WIPI1: variants seen among roughly 807,000 people sequenced by gnomAD.
The protein encoded by WIPI1 is WD repeat domain, phosphoinositide interacting 1.
Under a neutral mutation model 55.3 loss-of-function variants are expected in WIPI1, and 45 were observed. The ratio of observed to expected loss-of-function variants is 0.81; its 90% CI spans 0.64 to 1.04. The LOEUF is 1.04. Ranked by LOEUF, WIPI1 falls within the 50% of genes least tolerant of loss-of-function variation. The pLI, the probability that WIPI1 is intolerant of heterozygous loss-of-function variation, is 0.00. For synonymous variants in WIPI1, 195 were observed against 217.6 expected (o/e 0.90, Z 0.92); for missense variants, 445 against 559.0 (o/e 0.80, Z 2.06).
chr17:68,426,134 G>T lies in WIPI1; in HGVS notation c.1234C>A (p.Pro412Thr). ...GGTCCCGTCGCAAACTCATGTTCAG[G>T]AATAACTTCTCCTCGCAGCGCCCCG... is the stretch of plus-strand genomic sequence containing the variant. ...DGGALRGEVIPEHEFATGPVC... is the reference protein window; with the variant it reads ...DGGALRGEVITEHEFATGPVC... Residue 412 changes from proline (P) to threonine (T), a missense_variant, in exon 12 of 13, where the codon CCT becomes ACT. Transcript: ENST00000262139. 2 of 1,611,540 alleles carry T rather than the reference G, an allele frequency of 1.2e-6. No individual in the cohort carries two copies. Among genetic ancestry groups the T allele is most frequent in the Non-Finnish European group, 1.7e-6 (2 of 1,179,690 alleles).
At chr17:68,447,413 G>T (rs1191640278) in intron 3 of WIPI1, among the ~76,000 whole-genome samples, 1 of 151,952 alleles carries the variant, frequency 6.6e-6, no homozygotes, top group Non-Finnish European at 1.5e-5. Flanking sequence ...ACAGGGTCTT[G>T]CTGTGTCACC....
At chr17:68,454,770 A>G (rs969985900) in intron 1 of WIPI1, among the ~76,000 whole-genome samples, 2 of 152,258 alleles carry the variant, frequency 1.3e-5, no homozygotes, top group Non-Finnish European at 2.9e-5. Flanking sequence ...CAAGTAAGGA[A>G]AGAAATACTG....
At chr17:68,443,593 G>A (rs1027985488) in intron 4 of WIPI1, among the ~76,000 whole-genome samples, 1 of 152,172 alleles carries the variant, frequency 6.6e-6, no homozygotes, top group Admixed American at 6.5e-5. Context: ...AGCCAACCCT[G>A]GGAGATGGGT....
intron 2 of WIPI1, among the ~76,000 whole-genome samples, chr17:68,452,683 T>C (rs2084541222): frequency 6.6e-6 from 1 of 152,230 alleles, no homozygotes. Context: ...CACAAATAAT[T>C]TCTTCTATAA....
Position 68,428,848 on chromosome 17 carries a change from C to T in WIPI1, c.1054G>A (p.Val352Ile), listed in dbSNP as rs749764738. 1 of 1,613,916 alleles carries T rather than the reference C, an allele frequency of 6.2e-7. No homozygotes were observed. The highest frequency in any genetic ancestry group is 1.3e-5 in the African/African-American group (1 of 75,054). ...CTTCACCTGTGGGTTTTGATTAAGA[C>T]ACACTCTCCTCCATCCTGAGGATCC... is the stretch of plus-strand genomic sequence containing the variant. ...NLDPQDGGEC[V>I]LIKTHSLLGS... is the part of the protein sequence containing the mutation. Residue 352 changes from valine to isoleucine, a missense_variant, in exon 10 of 13, where the codon GTC becomes ATC. Transcript: ENST00000262139.
chr17:68,428,752 C>T (rs1025737077), intron 10 of WIPI1, 77 bp downstream of exon 10: 2 of 1,143,900 alleles, frequency 1.7e-6, no homozygotes, highest in African/African-American at 1.5e-5. Context: ...GGCACTGAAG[C>T]TTGTCGTTCT....
intron 12 of WIPI1, chr17:68,422,694 A>T (rs527436230): frequency 7.6e-6 from 1 of 131,506 alleles, no homozygotes; most frequent in South Asian, 2.6e-4. Context: ...ACGCCAACAC[A>T]TTCTAGCCTG....
intron 3 of WIPI1, chr17:68,448,173 T>G (rs531903838): frequency 1.3e-5 from 2 of 152,082 alleles, no homozygotes; most frequent in African/African-American, 4.8e-5. Context: ...TTCCCCAGAG[T>G]GGGCAGTCCT....
Position 68,427,228 on chromosome 17 carries a change from C to T in WIPI1, c.1099G>A (p.Glu367Lys), listed in dbSNP as rs2083256744. 1 of 1,614,040 alleles carries T rather than the reference C, an allele frequency of 6.2e-7. No homozygotes were observed. The highest frequency in any genetic ancestry group is 1.3e-5 in the African/African-American group (1 of 74,910). ...HSLLGSGTTE[E>K]NKENDLRPSL... ...GGTCTGAGGTCATTTTCTTTATTCT[C>T]TTCTGTTGTTCCTGAGCCAAGCAAG... The change falls in exon 11 of 13, where the codon GAG becomes AAG. Residue 367 changes from glutamate (E) to lysine (K), a missense_variant. By Grantham distance (56) the Glu-to-Lys change is moderately conservative (BLOSUM62 1). Coordinates refer to ENST00000262139, the MANE Select transcript of WIPI1 (RefSeq NM_017983.7).
chr17:68,435,985 C>T (rs1013159637), intron 5 of WIPI1, among the ~76,000 whole-genome samples: 2 of 152,238 alleles, frequency 1.3e-5, no homozygotes, highest in African/African-American at 4.8e-5. Context: ...GTCGCAGGCG[C>T]GCCCTGCACG....
chr17:68,455,628 G>C, intron 1 of WIPI1, among the ~76,000 whole-genome samples: 1 of 152,172 alleles, frequency 6.6e-6, no homozygotes, highest in Non-Finnish European at 1.5e-5. Context: ...TTATAGGCAA[G>C]GCAAAGCTGC....
At chr17:68,457,150 T>G in intron 1 of WIPI1, among the ~76,000 whole-genome samples, 192 bp downstream of exon 1, 2 of 149,286 alleles carry the variant, frequency 1.3e-5, no homozygotes, top group African/African-American at 2.5e-5. Context: ...GGGAGTGGGG[T>G]GGGGTGGGGG....
intron 3 of WIPI1, among the ~76,000 whole-genome samples, chr17:68,450,266 A>C (rs1323658974): frequency 1.3e-5 from 2 of 152,234 alleles, no homozygotes. Flanking sequence ...TGGTGGGAGA[A>C]GGGCAGCTTT....
rs1159459000 is a variant in WIPI1, at chr17:68,427,836, C to T, written c.1074-583G>A. 2.0e-5 allele frequency among the ~76,000 whole-genome samples: 3 copies of T among 152,202 alleles called. No homozygotes were observed. In the East Asian group the frequency reaches 5.8e-4, roughly 29 times the overall value. Reference sequence around the variant, plus strand: ...GGTGGCAGCTCTGGTGCCCTGGCCACAGCAGGAGAGCTCAGTCTGTGCCTG... The same window carrying T: ...GGTGGCAGCTCTGGTGCCCTGGCCATAGCAGGAGAGCTCAGTCTGTGCCTG... On this transcript the variant is annotated intron_variant, in intron 10 of 12. Transcript: ENST00000262139.
intron 9 of WIPI1, 139 bp from the exon 10 acceptor site, chr17:68,429,075 G>T: frequency 1.6e-6 from 1 of 643,336 alleles, no homozygotes; most frequent in Non-Finnish European, 2.7e-6. Context: ...TCTGGTCTGG[G>T]CTTCTGGCTA....
intron 1 of WIPI1, among the ~76,000 whole-genome samples, chr17:68,456,150 G>A (rs997490714): frequency 2.6e-5 from 4 of 152,220 alleles, no homozygotes; most frequent in Non-Finnish European, 4.4e-5. Context: ...ATTGTGGATT[G>A]TGGTCAAGAA....
chr17:68,430,316 T>TATTATTCTGGCAATAACTAAA (rs1369864124), intron 8 of WIPI1, among the ~76,000 whole-genome samples, 156 bp from the exon 9 acceptor site: 12 of 152,152 alleles, frequency 7.9e-5, no homozygotes, highest in Non-Finnish European at 1.5e-4. Context: ...ATCCAGGACG[T>TATTATTCTGGCAATAACTAAA]ATTATTCTGG....
Position 68,442,155 on chromosome 17 carries a change from A to G in WIPI1, c.430+2338T>C, listed in dbSNP as rs2084105093. Among the ~76,000 whole-genome samples the G allele has an allele frequency of 2.0e-5, 3 of 152,310 alleles. No homozygotes were observed. The South Asian group carries it at 6.2e-4, about 32-fold the overall frequency. On this transcript the variant is annotated intron_variant, in intron 4 of 12. Coordinates refer to ENST00000262139, the MANE Select transcript of WIPI1 (RefSeq NM_017983.7). Reference sequence around the variant, plus strand: ...TTCTGAACTACAGAAAAACAACTATATTTGCTAAAAAATAAGAGTAAATGG... The same window carrying G: ...TTCTGAACTACAGAAAAACAACTATGTTTGCTAAAAAATAAGAGTAAATGG...
chr17:68,455,770 T>G (rs2084632005), intron 1 of WIPI1, among the ~76,000 whole-genome samples: 1 of 152,234 alleles, frequency 6.6e-6, no homozygotes, highest in South Asian at 2.1e-4. Flanking sequence ...TTGCGTTATT[T>G]AATGGCTAGA....
Sources: gnomAD v4.1 joint callset for allele counts (sites outside exome capture counted in the v4.1 genomes callset) on GRCh38, gnomAD v4.1.1 for gene constraint, MANE v1.5 for transcripts, NCBI Gene and HGNC (gene_info 2026-07-23, HGNC 2026-07-21) for gene names.